Variants in FA2H observed in about 807,000 individuals in gnomAD.
FA2H encodes the protein fatty acid 2-hydroxylase.
In FA2H, 22 loss-of-function variants were observed where a neutral mutation model predicts 44.9. That is an observed-to-expected ratio of 0.49 (90% CI 0.35 to 0.70). The LOEUF is 0.70. Ranked by LOEUF, FA2H falls within the 30% of genes least tolerant of loss-of-function variation. The pLI is 0.01. For synonymous variants in FA2H, 243 were observed against 213.2 expected, an observed-to-expected ratio of 1.14 and a Z score of -1.22; for missense variants, 501 against 504.9, an observed-to-expected ratio of 0.99 and a Z score of 0.07.
chr16:74,739,825 C>G (rs1218213779), intron 2 of FA2H, among the ~76,000 whole-genome samples, 198 bp downstream of exon 2: 1 of 152,180 alleles, frequency 6.6e-6, no homozygotes, highest in African/African-American at 2.4e-5. Context: ...GAACTTTCCA[C>G]CAGTGAGGCA....
intron 2 of FA2H, among the ~76,000 whole-genome samples, chr16:74,730,647 G>A (rs1423915060): frequency 3.3e-5 from 5 of 152,210 alleles, no homozygotes; most frequent in South Asian, 2.1e-4. Context: ...CTTATCTTGC[G>A]GCAGTCTGCA....
At chr16:74,736,058 CT>C (rs79682860) in intron 2 of FA2H, among the ~76,000 whole-genome samples, 34,060 of 152,154 alleles carry the variant, frequency 0.22, 4,232 homozygotes, top group East Asian at 0.45. Context: ...GCCTCCCAGC[CT>C]GCCCTGTCCA....
chr16:74,751,976 C>A (rs542361409), intron 1 of FA2H, among the ~76,000 whole-genome samples: 24 of 152,304 alleles, frequency 1.6e-4, no homozygotes, highest in Admixed American at 1.4e-3. Flanking sequence ...TGGACACCCA[C>A]CCCAGTATTA....
intron 2 of FA2H, among the ~76,000 whole-genome samples, chr16:74,731,644 C>T (rs1426580526): frequency 1.3e-5 from 2 of 152,140 alleles, no homozygotes; most frequent in Non-Finnish European, 1.5e-5. Context: ...CCTCAGCCTT[C>T]TGAGTAGCTA....
intron 4 of FA2H, 62 bp from the exon 5 acceptor site, chr16:74,719,222 G>A: frequency 6.8e-7 from 1 of 1,475,512 alleles, no homozygotes. Flanking sequence ...AGCTCCAGGT[G>A]TCCCTGCCTC....
intron 1 of FA2H, among the ~76,000 whole-genome samples, chr16:74,745,713 A>G (rs963733238): frequency 6.6e-6 from 1 of 152,072 alleles, no homozygotes; most frequent in Non-Finnish European, 1.5e-5. Flanking sequence ...CTCCCAGCAC[A>G]ACGCCAATTC....
chr16:74,768,594 T>C (rs1962850000), intron 1 of FA2H, among the ~76,000 whole-genome samples: 1 of 152,172 alleles, frequency 6.6e-6, no homozygotes, highest in Non-Finnish European at 1.5e-5. Context: ...TGGCGGCAGT[T>C]CAGCAAATTC....
intron 1 of FA2H, among the ~76,000 whole-genome samples, chr16:74,746,657 A>G (rs1056321392): frequency 3.9e-5 from 6 of 152,190 alleles, no homozygotes; most frequent in Non-Finnish European, 5.9e-5. Flanking sequence ...TTGGTTTGCC[A>G]GTTTGAAACT....
chr16:74,750,790 T>TGTGTGTGTGTGTGC (rs1555540831), intron 1 of FA2H, among the ~76,000 whole-genome samples: 13 of 151,370 alleles, frequency 8.6e-5, no homozygotes, highest in African/African-American at 2.9e-4. Flanking sequence ...TGTGTGTGTG[T>TGTGTGTGTGTGTGC]TTAAGAGACA....
At chr16:74,751,494 T>C (rs118076944) in intron 1 of FA2H, among the ~76,000 whole-genome samples, 1 of 152,182 alleles carries the variant, frequency 6.6e-6, no homozygotes, top group East Asian at 1.9e-4. Context: ...TTCTATGTGT[T>C]ACACTCGTCA....
intron 1 of FA2H, among the ~76,000 whole-genome samples, chr16:74,761,900 A>G (rs950870713): frequency 6.6e-6 from 1 of 152,244 alleles, no homozygotes; most frequent in African/African-American, 2.4e-5. Flanking sequence ...CAATGAATGA[A>G]GGAAGAAGCC....
intron 2 of FA2H, among the ~76,000 whole-genome samples, chr16:74,731,963 C>T (rs1376808118): frequency 6.6e-6 from 1 of 152,212 alleles, no homozygotes; most frequent in African/African-American, 2.4e-5. Flanking sequence ...GCACCAACCT[C>T]CTAAGCTCAA....
intron 1 of FA2H, among the ~76,000 whole-genome samples, chr16:74,743,655 G>T (rs185404484): frequency 6.6e-6 from 1 of 152,328 alleles, no homozygotes; most frequent in African/African-American, 2.4e-5. Flanking sequence ...GGGTCGGCAT[G>T]GCCTCTTTCT....
chr16:74,718,217 G>A (rs747308512), intron 5 of FA2H, among the ~76,000 whole-genome samples: 4 of 152,278 alleles, frequency 2.6e-5, no homozygotes, highest in Non-Finnish European at 5.9e-5. Context: ...CAGTATCAGC[G>A]ACATCAGGGT....
At chr16:74,743,384 T>C (rs747993671) in intron 1 of FA2H, among the ~76,000 whole-genome samples, 8 of 152,184 alleles carry the variant, frequency 5.3e-5, no homozygotes, top group African/African-American at 1.2e-4. Flanking sequence ...AAACAGCACA[T>C]TGAAAGCTTC....
In FA2H at chr16:74,718,975, C is replaced by G; in HGVS notation, c.786+13G>C. 6.2e-7 allele frequency: 1 copy of G among 1,612,996 alleles called. No homozygotes were observed. Among genetic ancestry groups the G allele is most frequent in the Admixed American group, 1.7e-5 (1 of 60,028 alleles). On this transcript the variant is annotated intron_variant, in intron 5 of 6. Transcript: ENST00000219368. The stretch of plus-strand genomic sequence containing the variant: ...CACATGCTAGGTCCGGGCTGGGACC[C>G]CGCCCCGCTCACCTTGTGGTGCTGG...
rs544825885 is a variant in FA2H at position 74,766,168 on chromosome 16, G to T, written c.270+8318C>A. On this transcript the variant is annotated intron_variant, in intron 1 of 6. Coordinates refer to ENST00000219368, the MANE Select transcript of FA2H (RefSeq NM_024306.5). Reference sequence around the variant, plus strand: ...ACAAAAATTAGCTGGGCATAGTGGTGGGCACCTGTAATCCCAGCTACTCGG... The same window carrying T: ...ACAAAAATTAGCTGGGCATAGTGGTTGGCACCTGTAATCCCAGCTACTCGG... 7.9e-5 allele frequency among the ~76,000 whole-genome samples: 12 copies of T among 152,170 alleles called. No homozygotes were observed. In the South Asian group the frequency reaches 1.9e-3, roughly 24 times the overall value.
At chr16:74,774,015 G>A (rs527295676) in intron 1 of FA2H, among the ~76,000 whole-genome samples, 27 of 152,300 alleles carry the variant, frequency 1.8e-4, no homozygotes, top group African/African-American at 6.5e-4. Context: ...ACTGATCTGT[G>A]CCTCTTTGAA....
chr16:74,742,847 A>T (rs1049191323), intron 1 of FA2H, among the ~76,000 whole-genome samples: 26 of 151,020 alleles, frequency 1.7e-4, no homozygotes, highest in African/African-American at 4.1e-4. Flanking sequence ...TCAAAAAAAA[A>T]TTTTTTTTTT....
Sources: allele counts gnomAD v4.1 joint callset (sites outside exome capture counted in the v4.1 genomes callset), GRCh38; gene constraint gnomAD v4.1.1; transcripts MANE v1.5; gene names NCBI Gene and HGNC (gene_info 2026-07-23, HGNC 2026-07-21).